The following CACNB2 variants were observed in gnomAD, a reference collection of about 807,000 sequenced individuals.
CACNB2 encodes calcium voltage-gated channel auxiliary subunit beta 2.
In CACNB2, 42 loss-of-function variants were observed where a neutral mutation model predicts 73.3. That is an observed-to-expected ratio of 0.57 (90% CI 0.45 to 0.74). The LOEUF is 0.74. Among genes scored for constraint, CACNB2 ranks in the 30% least tolerant of loss-of-function variants. CACNB2 has a pLI of 0.00. For synonymous variants in CACNB2, 348 were observed against 310.3 expected (o/e 1.12, Z -1.28); for missense variants, 940 against 853.0 (o/e 1.10, Z -1.27).
At chr10:18,326,066 A>G (rs11013624) in intron 2 of CACNB2, among the ~76,000 whole-genome samples, 25,514 of 152,028 alleles carry the variant, frequency 0.17, 2,511 homozygotes, top group Middle Eastern at 0.24. Flanking sequence ...GTTGATTCCT[A>G]CGGTGTTAGT....
intron 3 of CACNB2, among the ~76,000 whole-genome samples, chr10:18,445,594 T>C (rs1367494662): frequency 7.2e-6 from 1 of 139,816 alleles, no homozygotes; most frequent in Non-Finnish European, 1.7e-5. Context: ...GAAATAAATA[T>C]GAACGAGAGA....
At chr10:18,478,336 C>T (rs549237963) in intron 3 of CACNB2, among the ~76,000 whole-genome samples, 5 of 152,316 alleles carry the variant, frequency 3.3e-5, no homozygotes, top group African/African-American at 1.2e-4. Context: ...CCACAGCTCA[C>T]CATTCTTATA....
intron 12 of CACNB2, 47 bp downstream of exon 12, chr10:18,536,243 C>CTTTTCTTTTTTTTTTTTTTTT (rs1327787339): frequency 5.3e-5 from 15 of 283,218 alleles, no homozygotes; most frequent in East Asian, 9.6e-5. Context: ...GAGATCAGAC[C>CTTTTCTTTTTTTTTTTTTTTT]TTTTTTTTTT....
chr10:18,425,831 T>G (rs1024063343), intron 3 of CACNB2, among the ~76,000 whole-genome samples: 2 of 152,258 alleles, frequency 1.3e-5, no homozygotes, highest in Non-Finnish European at 2.9e-5. Flanking sequence ...GATAGGAATC[T>G]GACTTCATGT....
chr10:18,248,665 A>ATATCACTCTCTCATTGGACATATCCG (rs2036963821), intron 2 of CACNB2, among the ~76,000 whole-genome samples: 1 of 152,174 alleles, frequency 6.6e-6, no homozygotes, highest in Non-Finnish European at 1.5e-5. Flanking sequence ...GGACATATCC[A>ATATCACTCTCTCATTGGACATATCCG]ATATCACTCT....
At chr10:18,226,595 C>G (rs2036001989) in intron 2 of CACNB2, among the ~76,000 whole-genome samples, 2 of 152,134 alleles carry the variant, frequency 1.3e-5, no homozygotes, top group Admixed American at 6.5e-5. Flanking sequence ...CTACGATCTG[C>G]CGGCACTTCT....
intron 2 of CACNB2, among the ~76,000 whole-genome samples, chr10:18,378,700 A>G (rs2042898008): frequency 6.6e-6 from 1 of 152,184 alleles, no homozygotes; most frequent in Admixed American, 6.6e-5. Flanking sequence ...GGAGTGAGCT[A>G]TGATGGCACC....
chr10:18,300,783 A>G (rs953223824), intron 2 of CACNB2, among the ~76,000 whole-genome samples: 2 of 152,200 alleles, frequency 1.3e-5, no homozygotes, highest in Non-Finnish European at 2.9e-5. Flanking sequence ...CGGGAGGCAG[A>G]GATTGCAGTG....
chr10:18,341,343 C>A (rs1228474538), intron 2 of CACNB2, among the ~76,000 whole-genome samples: 1 of 152,124 alleles, frequency 6.6e-6, no homozygotes, highest in African/African-American at 2.4e-5. Flanking sequence ...GTGTCTGAGA[C>A]CTATCTGTGT....
At chr10:18,326,169 G>T (rs2040583967) in intron 2 of CACNB2, among the ~76,000 whole-genome samples, 1 of 145,970 alleles carries the variant, frequency 6.9e-6, no homozygotes, top group African/African-American at 2.5e-5. Context: ...TTAGTGTACA[G>T]AAACAGAAAA....
intron 3 of CACNB2, among the ~76,000 whole-genome samples, chr10:18,406,958 C>T (rs999543340): frequency 3.1e-4 from 47 of 152,062 alleles, no homozygotes; most frequent in African/African-American, 7.7e-4. Flanking sequence ...AAAACATAGA[C>T]CCTTTCAGAG....
intron 3 of CACNB2, among the ~76,000 whole-genome samples, chr10:18,415,467 TAA>T (rs11337812): frequency 4.4e-4 from 63 of 142,724 alleles, no homozygotes; most frequent in South Asian, 4.5e-4. Flanking sequence ...CCTTGTCTCT[TAA>T]AAAAAAAAAA....
At chr10:18,335,625 AC>A (rs1231932957) in intron 2 of CACNB2, among the ~76,000 whole-genome samples, 1 of 152,138 alleles carries the variant, frequency 6.6e-6, no homozygotes, top group Non-Finnish European at 1.5e-5. Flanking sequence ...TTCCTGTCTT[AC>A]ATGAACCTCA....
chr10:18,511,822 G>T (rs150040160), intron 6 of CACNB2, among the ~76,000 whole-genome samples: 6 of 152,312 alleles, frequency 3.9e-5, no homozygotes, highest in Non-Finnish European at 8.8e-5. Flanking sequence ...GGGCAGTGTG[G>T]TATAGGGACG....
chr10:18,396,471 T>C (rs1446014502), intron 2 of CACNB2, among the ~76,000 whole-genome samples: 1 of 152,156 alleles, frequency 6.6e-6, no homozygotes, highest in Non-Finnish European at 1.5e-5. Flanking sequence ...GTCTATCCCA[T>C]TTTGATTGAT....
At chr10:18,453,155 C>T (rs546872298) in intron 3 of CACNB2, among the ~76,000 whole-genome samples, 1 of 152,250 alleles carries the variant, frequency 6.6e-6, no homozygotes, top group South Asian at 2.1e-4. Flanking sequence ...AGCCTTTTGA[C>T]CTGTCTCCTC....
intron 2 of CACNB2, among the ~76,000 whole-genome samples, chr10:18,176,029 C>T (rs867753593): frequency 3.3e-5 from 5 of 152,328 alleles, no homozygotes; most frequent in Middle Eastern, 3.4e-3. Flanking sequence ...AAGACACCTA[C>T]AGCATGTTGT....
chr10:18,316,718 T>TC (rs543603418), intron 2 of CACNB2, among the ~76,000 whole-genome samples: 5 of 152,258 alleles, frequency 3.3e-5, no homozygotes, highest in Admixed American at 3.3e-4. Flanking sequence ...CACCTCAGCT[T>TC]CCCAGGGTGC....
At chr10:18,366,791 C>CAAA (rs111469276) in intron 2 of CACNB2, among the ~76,000 whole-genome samples, 6 of 146,720 alleles carry the variant, frequency 4.1e-5, no homozygotes, top group African/African-American at 1.5e-4. Context: ...GACTCCGTCT[C>CAAA]AAAAAAAAAA....
Sources: allele counts gnomAD v4.1 joint callset (sites outside exome capture counted in the v4.1 genomes callset), GRCh38; gene constraint gnomAD v4.1.1; transcripts MANE v1.5; gene names NCBI Gene and HGNC (gene_info 2026-07-23, HGNC 2026-07-21).